The following NXPE4 variants were observed in gnomAD, a reference collection of about 807,000 sequenced individuals.
NXPE4 encodes the protein neurexophilin and PC-esterase domain family member 4, also known as NXPE family member 4.
NXPE4 carries 42 observed loss-of-function variants against 33.3 expected under a neutral mutation model. The observed-to-expected ratio is 1.26, with a 90% CI of 0.98 to 1.63. NXPE4 has a LOEUF of 1.63. Ranked by LOEUF, NXPE4 falls within the 40% of genes most tolerant of loss-of-function variation. The pLI is 0.00. For synonymous variants in NXPE4, 253 were observed against 234.9 expected, an observed-to-expected ratio of 1.08 and a Z score of -0.71; for missense variants, 709 against 647.6, an observed-to-expected ratio of 1.09 and a Z score of -1.03.
the NXPE4 span, among the ~76,000 whole-genome samples, chr11:114,664,347 G>A: frequency 6.6e-6 from 1 of 152,130 alleles, no homozygotes; most frequent in African/African-American, 2.4e-5. Context: ...TAGGGACAAG[G>A]GCTGAACACA....
At chr11:114,656,253 C>T in the NXPE4 span, among the ~76,000 whole-genome samples, 1 of 152,086 alleles carries the variant, frequency 6.6e-6, no homozygotes, top group African/African-American at 2.4e-5. Context: ...AGGAGAACTA[C>T]AAGCCACTAC....
the NXPE4 span, among the ~76,000 whole-genome samples, chr11:114,611,901 T>C: frequency 6.6e-6 from 1 of 151,902 alleles, no homozygotes; most frequent in African/African-American, 2.4e-5. Context: ...GTAAACACCA[T>C]TACCTGCTGG....
chr11:114,612,306 C>T, the NXPE4 span, among the ~76,000 whole-genome samples: 5 of 151,836 alleles, frequency 3.3e-5, no homozygotes, highest in South Asian at 2.1e-4. Context: ...AGTATTGCCT[C>T]GCAGGTAACC....
the NXPE4 span, among the ~76,000 whole-genome samples, chr11:114,651,405 G>A: frequency 1.3e-5 from 2 of 152,156 alleles, no homozygotes; most frequent in Admixed American, 6.5e-5. Flanking sequence ...GGCTTCAGGA[G>A]TGAAGCTGCA....
chr11:114,637,426 G>A, the NXPE4 span, among the ~76,000 whole-genome samples: 142 of 151,866 alleles, frequency 9.4e-4, no homozygotes, highest in Middle Eastern at 6.8e-3. Flanking sequence ...CAATTTGCCA[G>A]TCTGTGTCTT....
the NXPE4 span, among the ~76,000 whole-genome samples, chr11:114,616,352 C>A: frequency 1.3e-5 from 2 of 149,890 alleles, no homozygotes; most frequent in African/African-American, 2.5e-5. Flanking sequence ...ATAAGTGTTG[C>A]CTCACGTGTA....
At chr11:114,639,193 C>T in the NXPE4 span, among the ~76,000 whole-genome samples, 1 of 152,028 alleles carries the variant, frequency 6.6e-6, no homozygotes, top group African/African-American at 2.4e-5. Flanking sequence ...CCCCCAGCCT[C>T]ACTGCCGCCT....
At chr11:114,653,530 TC>T in the NXPE4 span, among the ~76,000 whole-genome samples, 29 of 131,272 alleles carry the variant, frequency 2.2e-4, no homozygotes, top group South Asian at 4.4e-3. Context: ...TGTCCTGCTT[TC>T]CCTTTTTTTT....
the NXPE4 span, among the ~76,000 whole-genome samples, chr11:114,626,930 T>C: frequency 6.6e-6 from 1 of 151,160 alleles, no homozygotes; most frequent in African/African-American, 2.4e-5. Flanking sequence ...TGATGGAAGA[T>C]GAAATGAATG....
chr11:114,574,832 T>G (rs1024138613), intron 5 of NXPE4, among the ~76,000 whole-genome samples: 2 of 152,096 alleles, frequency 1.3e-5, no homozygotes, highest in African/African-American at 4.8e-5. Flanking sequence ...CCTCCCTAAA[T>G]AATTCTATAA....
At chr11:114,579,419 G>A (rs1949085952) in intron 5 of NXPE4, among the ~76,000 whole-genome samples, 1 of 152,154 alleles carries the variant, frequency 6.6e-6, no homozygotes, top group Non-Finnish European at 1.5e-5. Flanking sequence ...TGATTGGTGA[G>A]AAACACCAGG....
chr11:114,641,746 C>T, the NXPE4 span, among the ~76,000 whole-genome samples: 1 of 151,998 alleles, frequency 6.6e-6, no homozygotes, highest in Admixed American at 6.6e-5. Context: ...AAGTGGGCAA[C>T]GTTCTAGTAC....
the NXPE4 span, among the ~76,000 whole-genome samples, chr11:114,626,514 C>A: frequency 2.0e-5 from 3 of 152,122 alleles, no homozygotes; most frequent in Non-Finnish European, 4.4e-5. Context: ...CACCAAAAAC[C>A]CATCTGTACA....
At chr11:114,574,075 A>C (rs979795334) in intron 5 of NXPE4, among the ~76,000 whole-genome samples, 3 of 152,062 alleles carry the variant, frequency 2.0e-5, no homozygotes, top group Non-Finnish European at 4.4e-5. Context: ...AAACCATGCA[A>C]ATACATGGAA....
the NXPE4 span, among the ~76,000 whole-genome samples, chr11:114,610,306 T>A: frequency 6.6e-6 from 1 of 151,600 alleles, no homozygotes; most frequent in African/African-American, 2.4e-5. Context: ...GCCTAGTGTG[T>A]AACCACTGTT....
the NXPE4 span, among the ~76,000 whole-genome samples, chr11:114,603,489 A>G: frequency 6.6e-6 from 1 of 151,034 alleles, no homozygotes; most frequent in Admixed American, 6.6e-5. Flanking sequence ...TCTCCTAGGT[A>G]ACTCCTATTA....
the NXPE4 span, among the ~76,000 whole-genome samples, chr11:114,640,134 T>C: frequency 8.7e-6 from 1 of 115,016 alleles, no homozygotes; most frequent in Non-Finnish European, 1.6e-5. Context: ...TGTAATATAT[T>C]ATATATAATA....
the NXPE4 span, among the ~76,000 whole-genome samples, chr11:114,602,276 CTATATAT>C: frequency 7.0e-5 from 8 of 113,780 alleles, no homozygotes; most frequent in South Asian, 2.1e-3. Context: ...ATATATTATA[CTATATAT>C]ATGTTATCTA....
the NXPE4 span, among the ~76,000 whole-genome samples, chr11:114,607,491 A>C: frequency 6.6e-6 from 1 of 151,752 alleles, no homozygotes; most frequent in Non-Finnish European, 1.5e-5. Flanking sequence ...GAACACCATT[A>C]CCGGCTGGAT....
Sources: allele counts gnomAD v4.1 joint callset (sites outside exome capture counted in the v4.1 genomes callset), GRCh38; gene constraint gnomAD v4.1.1; transcripts MANE v1.5; gene names NCBI Gene and HGNC (gene_info 2026-07-23, HGNC 2026-07-21).